The following ELMO1 variants were observed in gnomAD, a reference collection of about 807,000 sequenced individuals.
ELMO1 encodes engulfment and cell motility 1.
Under a neutral mutation model 98.9 loss-of-function variants are expected in ELMO1, and 26 were observed. The ratio of observed to expected loss-of-function variants is 0.26; its 90% confidence interval spans 0.19 to 0.36. The LOEUF (loss-of-function observed/expected upper bound fraction) is 0.36. Ranked by LOEUF, ELMO1 falls within the 10% of genes least tolerant of loss-of-function variation. The pLI is 1.00. For missense variants in ELMO1, 627 were observed against 935.2 expected (o/e 0.67, Z 4.30); for synonymous variants, 346 against 346.0 (o/e 1.00, Z 0.00).
chr7:36,963,539 C>A (rs1324237846), intron 16 of ELMO1, among the ~76,000 whole-genome samples: 1 of 152,130 alleles, frequency 6.6e-6, no homozygotes, highest in Non-Finnish European at 1.5e-5. Context: ...GAGATAAATA[C>A]CAAAATACCT....
chr7:37,350,639 C>T (rs557596255), intron 1 of ELMO1, among the ~76,000 whole-genome samples: 1 of 152,312 alleles, frequency 6.6e-6, no homozygotes, highest in East Asian at 1.9e-4. Context: ...ATAGAGGCCT[C>T]TTTAGTATGA....
chr7:37,222,257 C>T (rs1793636937), intron 10 of ELMO1, among the ~76,000 whole-genome samples: 1 of 152,194 alleles, frequency 6.6e-6, no homozygotes, highest in Admixed American at 6.5e-5. Flanking sequence ...GTGAGCATCC[C>T]ATGAAATGAC....
intron 1 of ELMO1, among the ~76,000 whole-genome samples, chr7:37,414,818 G>GAACC (rs146779976): frequency 0.075 from 11,414 of 152,270 alleles, 587 homozygotes; most frequent in Non-Finnish European, 0.096. Context: ...ATGTTACAAT[G>GAACC]AACCTTTCCC....
chr7:37,143,682 C>T (rs1584713716), intron 13 of ELMO1, among the ~76,000 whole-genome samples: 1 of 147,720 alleles, frequency 6.8e-6, no homozygotes, highest in Non-Finnish European at 1.5e-5. Context: ...GCTAGGATTA[C>T]AGCAGGTGTG....
chr7:36,868,929 G>A (rs2129039057), intron 20 of ELMO1, among the ~76,000 whole-genome samples: 1 of 152,278 alleles, frequency 6.6e-6, no homozygotes, highest in Admixed American at 6.5e-5. Flanking sequence ...GCTGAGCAGA[G>A]CCCGTGCTCT....
intron 1 of ELMO1, among the ~76,000 whole-genome samples, chr7:37,345,392 G>C (rs996892711): frequency 6.6e-6 from 1 of 151,994 alleles, no homozygotes; most frequent in African/African-American, 2.4e-5. Flanking sequence ...TCAGAGAAAG[G>C]TTCACCGAGA....
chr7:36,997,376 T>C (rs1792299271), intron 16 of ELMO1, among the ~76,000 whole-genome samples: 1 of 152,198 alleles, frequency 6.6e-6, no homozygotes, highest in Non-Finnish European at 1.5e-5. Context: ...CTGGCATGTG[T>C]TCCTGCACAG....
chr7:37,356,044 G>A (rs1425823626), intron 1 of ELMO1, among the ~76,000 whole-genome samples: 1 of 152,172 alleles, frequency 6.6e-6, no homozygotes, highest in East Asian at 1.9e-4. Flanking sequence ...GGCATGCTGA[G>A]TACTCTGAAC....
At chr7:37,281,391 G>A (rs755316855) in intron 4 of ELMO1, among the ~76,000 whole-genome samples, 4 of 152,130 alleles carry the variant, frequency 2.6e-5, no homozygotes, top group Non-Finnish European at 4.4e-5. Flanking sequence ...GAAATAAAGT[G>A]TGTGAGGAAG....
intron 13 of ELMO1, among the ~76,000 whole-genome samples, chr7:37,179,279 C>CT (rs67076734): frequency 0.69 from 93,053 of 135,242 alleles, 33,331 homozygotes; most frequent in East Asian, 0.81. Context: ...GCATATAGCT[C>CT]TTTTTTTTTT....
At chr7:36,873,537 C>T (rs1056475594) in intron 19 of ELMO1, among the ~76,000 whole-genome samples, 6 of 152,198 alleles carry the variant, frequency 3.9e-5, no homozygotes, top group African/African-American at 1.2e-4. Flanking sequence ...ATTCAACACT[C>T]CTATTTTACA....
At chr7:37,205,537 A>G (rs1423675908) in intron 13 of ELMO1, among the ~76,000 whole-genome samples, 2 of 152,210 alleles carry the variant, frequency 1.3e-5, no homozygotes, top group East Asian at 3.9e-4. Context: ...GAACATAAAA[A>G]CAGCACTTCA....
chr7:37,294,265 G>A (rs1797911592), intron 4 of ELMO1, among the ~76,000 whole-genome samples: 1 of 151,964 alleles, frequency 6.6e-6, no homozygotes, highest in African/African-American at 2.4e-5. Flanking sequence ...GCTGAGACAG[G>A]AGAATCCCTT....
intron 15 of ELMO1, among the ~76,000 whole-genome samples, chr7:37,060,548 G>C (rs75476329): frequency 0.018 from 2,759 of 152,164 alleles, 94 homozygotes; most frequent in African/African-American, 0.064. Flanking sequence ...CTAACTATCG[G>C]ATACTATGCC....
At chr7:37,175,286 C>A (rs761935712) in intron 13 of ELMO1, among the ~76,000 whole-genome samples, 1 of 152,194 alleles carries the variant, frequency 6.6e-6, no homozygotes, top group African/African-American at 2.4e-5. Flanking sequence ...TCACTACTAC[C>A]AACACCTTGT....
intron 17 of ELMO1, among the ~76,000 whole-genome samples, chr7:36,892,797 T>C (rs372742148): frequency 6.6e-6 from 1 of 152,314 alleles, no homozygotes; most frequent in African/African-American, 2.4e-5. Flanking sequence ...CTGTGGCTCC[T>C]AACCACTCTT....
intron 1 of ELMO1, among the ~76,000 whole-genome samples, chr7:37,385,631 A>T (rs1185283471): frequency 6.6e-6 from 1 of 152,212 alleles, no homozygotes; most frequent in African/African-American, 2.4e-5. Flanking sequence ...CCCTGAATAG[A>T]AAAGAAGCTT....
chr7:36,855,813 A>C lies in ELMO1; in HGVS notation c.1984-62T>G, dbSNP rs1347304974. The C allele has an allele frequency of 4.4e-6, 7 of 1,586,188 alleles. No individual in the cohort carries two copies. The Admixed American group carries it at 8.4e-5, about 19-fold the overall frequency. ...GGCAATTACAGAAGTATTAATAGTA[A>C]AAATAGCTAACAGTGAATACTCATC... On this transcript the variant is annotated intron_variant, in intron 21 of 21. Transcript: ENST00000310758. The surrounding 1 kb of genome is among the most constrained non-coding windows in gnomAD (Gnocchi z 4.2).
intron 19 of ELMO1, among the ~76,000 whole-genome samples, chr7:36,874,006 A>G (rs1803750379): frequency 6.6e-6 from 1 of 152,186 alleles, no homozygotes; most frequent in Non-Finnish European, 1.5e-5. Context: ...GGATAGCTGC[A>G]TGAAGAACCT....
Sources: allele counts gnomAD v4.1 joint callset (sites outside exome capture counted in the v4.1 genomes callset), GRCh38; gene constraint gnomAD v4.1.1; non-coding constraint Gnocchi (gnomAD v3.1); transcripts MANE v1.5; gene names NCBI Gene and HGNC (gene_info 2026-07-23, HGNC 2026-07-21).